THSD7B: variants seen among roughly 807,000 people sequenced by gnomAD.
THSD7B encodes thrombospondin type-1 domain-containing protein 7B.
In THSD7B, 138 loss-of-function variants were observed where a neutral mutation model predicts 213.6. That is an observed-to-expected ratio of 0.65 (90% CI 0.56 to 0.74). The LOEUF (loss-of-function observed/expected upper bound fraction) is 0.74, where lower values mean the gene tolerates loss of function less well. Among genes scored for constraint, THSD7B ranks in the 30% least tolerant of loss-of-function variants. The probability of loss-of-function intolerance (pLI) is 0.00; values close to 1 mark genes in which losing one functional copy is unlikely to be tolerated. For missense variants in THSD7B, 1,931 were observed against 1,991.5 expected (o/e 0.97, Z 0.58); for synonymous variants, 742 against 687.0 (o/e 1.08, Z -1.25).
intron 2 of THSD7B, among the ~76,000 whole-genome samples, chr2:137,042,318 A>G (rs1686898336): frequency 6.6e-6 from 1 of 152,224 alleles, no homozygotes; most frequent in Non-Finnish European, 1.5e-5. Context: ...ATCTGTAATC[A>G]TTGAGGTTAA....
chr2:137,412,326 C>T (rs910457168), intron 14 of THSD7B, among the ~76,000 whole-genome samples: 5 of 151,772 alleles, frequency 3.3e-5, no homozygotes, highest in Non-Finnish European at 4.4e-5. Flanking sequence ...AAAGGCCAGG[C>T]GCGGTGGCTC....
chr2:137,360,960 G>A (rs972153607), intron 12 of THSD7B, among the ~76,000 whole-genome samples: 6 of 152,124 alleles, frequency 3.9e-5, no homozygotes, highest in Admixed American at 6.6e-5. Flanking sequence ...ACTAGGGGCC[G>A]ACTGATACCT....
At chr2:137,574,210 G>T (rs558629884) in intron 17 of THSD7B, among the ~76,000 whole-genome samples, 3 of 152,128 alleles carry the variant, frequency 2.0e-5, no homozygotes, top group African/African-American at 7.2e-5. Context: ...AATTTTTATT[G>T]TAAGAACGTT....
intron 15 of THSD7B, among the ~76,000 whole-genome samples, chr2:137,560,388 T>A (rs554919365): frequency 4.6e-5 from 7 of 152,048 alleles, no homozygotes; most frequent in African/African-American, 1.7e-4. Context: ...AGCCATAAAA[T>A]ATGATGAGTT....
chr2:137,256,658 TTTA>T (rs1682317816), intron 10 of THSD7B, among the ~76,000 whole-genome samples: 1 of 152,176 alleles, frequency 6.6e-6, no homozygotes, highest in Non-Finnish European at 1.5e-5. Context: ...GAATTTAAAT[TTTA>T]ACCATGAGTG....
At chr2:137,073,516 T>C (rs943903383) in intron 3 of THSD7B, among the ~76,000 whole-genome samples, 6 of 152,238 alleles carry the variant, frequency 3.9e-5, no homozygotes, top group African/African-American at 1.4e-4. Flanking sequence ...ATCAATTTTG[T>C]TGATCGTTCA....
intron 11 of THSD7B, among the ~76,000 whole-genome samples, chr2:137,275,431 A>G (rs1357229486): frequency 3.3e-5 from 5 of 152,086 alleles, no homozygotes; most frequent in Non-Finnish European, 5.9e-5. Context: ...ATTTTGAAGC[A>G]GAAGATTAAT....
chr2:137,037,136 A>G (rs1236000307), intron 2 of THSD7B, among the ~76,000 whole-genome samples: 1 of 152,122 alleles, frequency 6.6e-6, no homozygotes, highest in Non-Finnish European at 1.5e-5. Flanking sequence ...AGGGATTCCA[A>G]GCAATCTGAG....
At chr2:137,317,641 C>T (rs141121105) in intron 12 of THSD7B, among the ~76,000 whole-genome samples, 47 of 152,136 alleles carry the variant, frequency 3.1e-4, no homozygotes, top group Non-Finnish European at 3.4e-4. Flanking sequence ...TGGCTCCTGG[C>T]GATATAATTA....
chr2:137,023,752 A>AT (rs1686490553), intron 2 of THSD7B, among the ~76,000 whole-genome samples: 1 of 152,114 alleles, frequency 6.6e-6, no homozygotes, highest in Non-Finnish European at 1.5e-5. Flanking sequence ...GGAGCATGGG[A>AT]GATGTGATGG....
rs72983472 is a variant in THSD7B, at chr2:137,618,284, G to T, written c.3566-108G>T. 6,800 of 819,268 alleles carry T rather than the reference G, an allele frequency of 8.3e-3. 336 individuals are homozygous for T. In the African/African-American group the frequency reaches 0.11, roughly 13 times the overall value. The allele number at this position is 819,268 out of a possible 1,614,324, so 50.7% of individuals were successfully genotyped here. ...CAAAGCTACCTGGAAATGATTTTAG[G>T]ATTATGTGTGGATTATTCTCCACCA... On this transcript the variant is annotated intron_variant, in intron 18 of 27. Transcript: ENST00000409968.
At chr2:136,897,407 A>G (rs1017699322) in intron 2 of THSD7B, among the ~76,000 whole-genome samples, 1 of 151,902 alleles carries the variant, frequency 6.6e-6, no homozygotes, top group Admixed American at 6.6e-5. Flanking sequence ...CTTCACAGTG[A>G]GTGTTACAGC....
intron 1 of THSD7B, among the ~76,000 whole-genome samples, chr2:136,778,021 A>G (rs1397903442): frequency 6.6e-6 from 1 of 152,154 alleles, no homozygotes; most frequent in Non-Finnish European, 1.5e-5. Flanking sequence ...ATAAGCACCA[A>G]ATGTTTATGG....
chr2:136,815,410 G>C (rs935891255), intron 1 of THSD7B, among the ~76,000 whole-genome samples: 4 of 152,112 alleles, frequency 2.6e-5, no homozygotes, highest in African/African-American at 9.7e-5. Flanking sequence ...TGTTTCTCCT[G>C]ATAGACTCTG....
chr2:137,097,976 T>C (rs938216165), intron 4 of THSD7B, among the ~76,000 whole-genome samples: 2 of 152,198 alleles, frequency 1.3e-5, no homozygotes, highest in African/African-American at 4.8e-5. Context: ...TTCTAATTTG[T>C]CTGAAATCTG....
At chr2:137,226,779 T>G (rs1681516012) in intron 7 of THSD7B, among the ~76,000 whole-genome samples, 1 of 149,490 alleles carries the variant, frequency 6.7e-6, no homozygotes. Flanking sequence ...CAAACAAGTA[T>G]ATGCACATGC....
chr2:136,907,751 A>ACAAATTGGC (rs1233028816), intron 2 of THSD7B, among the ~76,000 whole-genome samples: 1 of 152,232 alleles, frequency 6.6e-6, no homozygotes, highest in Non-Finnish European at 1.5e-5. Flanking sequence ...TCAGATACTG[A>ACAAATTGGC]CAAATTGGCT....
intron 3 of THSD7B, among the ~76,000 whole-genome samples, chr2:137,091,730 A>T (rs573780530): frequency 2.7e-4 from 41 of 152,054 alleles, no homozygotes; most frequent in African/African-American, 8.7e-4. Context: ...GGCCTACCCT[A>T]TGCTTTATTT....
chr2:137,452,839 C>G (rs1687680381), intron 15 of THSD7B, among the ~76,000 whole-genome samples: 1 of 152,118 alleles, frequency 6.6e-6, no homozygotes, highest in South Asian at 2.1e-4. Flanking sequence ...TTAAAGGAAA[C>G]TTGTTCTAAA....
Sources: allele counts gnomAD v4.1 joint callset (sites outside exome capture counted in the v4.1 genomes callset), GRCh38; gene constraint gnomAD v4.1.1; transcripts MANE v1.5; gene names NCBI Gene and HGNC (gene_info 2026-07-23, HGNC 2026-07-21).